Variants in C5AR2 observed in about 807,000 individuals in gnomAD.
The protein encoded by C5AR2 is C5a anaphylatoxin chemotactic receptor 2.
For synonymous variants in C5AR2, 224 were observed against 216.5 expected (o/e 1.03, Z -0.30); for missense variants, 458 against 467.5 (o/e 0.98, Z 0.19).
In C5AR2 at chr19:47,346,852, C is replaced by A. The variant is rs1397395220; in HGVS notation, c.*5039C>A. 6.6e-6 allele frequency: 1 copy of A among 152,220 alleles called. No individual in the cohort carries two copies. The highest frequency in any genetic ancestry group is 1.5e-5 in the Non-Finnish European group (1 of 68,034). The allele number at this position is 152,220 out of a possible 1,614,324, so 9.4% of individuals were successfully genotyped here. A position where few individuals can be genotyped will look rare whatever the true frequency, so the allele number is the denominator to read the frequency against. ...AGAACCCTCGTGGGCTAAAACCCCGCTTTGGGGCTTAAAGTTTGCAAAATC... is the reference window on the plus strand; with the variant it reads ...AGAACCCTCGTGGGCTAAAACCCCGATTTGGGGCTTAAAGTTTGCAAAATC... On this transcript the variant is annotated 3_prime_UTR_variant, in exon 2 of 2. Coordinates refer to ENST00000595464, the MANE Select transcript of C5AR2 (RefSeq NM_001271749.2).
intron 1 of C5AR2, among the ~76,000 whole-genome samples, chr19:47,335,065 TTA>T (rs200401785): frequency 0.06 from 1,027 of 17,094 alleles, 3 homozygotes; most frequent in African/African-American, 0.084. Flanking sequence ...TTTTTTTTTT[TTA>T]AATCTTTAGC....
At chr19:47,338,682 A>ATAATAATAG (rs1434329317) in intron 1 of C5AR2, among the ~76,000 whole-genome samples, 1 of 147,044 alleles carries the variant, frequency 6.8e-6, no homozygotes, top group Non-Finnish European at 1.5e-5. Context: ...AATAATAATA[A>ATAATAATAG]TAATAATTAA....
At position 47,341,938 on chromosome 19, in the gene C5AR2, A is replaced by G; in HGVS notation, c.*125A>G. 1.1e-6 allele frequency: 1 copy of G among 947,474 alleles called. No homozygotes were observed. The highest frequency in any genetic ancestry group is 1.6e-6 in the Non-Finnish European group (1 of 628,378). 58.7% of individuals were successfully genotyped at this position (947,474 alleles called of 1,614,324 possible). ...TCCTTCCTTCATTCAACAGATATCCATCATGCACTTGCTATGTGCAAGGCC... is the reference window on the plus strand; with the variant it reads ...TCCTTCCTTCATTCAACAGATATCCGTCATGCACTTGCTATGTGCAAGGCC... On this transcript the variant is annotated 3_prime_UTR_variant, in exon 2 of 2. Transcript: ENST00000595464. The surrounding 1 kb of genome is among the most constrained non-coding windows in gnomAD (Gnocchi z 4.6).
chr19:47,334,585 G>T (rs1187615429), intron 1 of C5AR2, among the ~76,000 whole-genome samples: 2 of 152,086 alleles, frequency 1.3e-5, no homozygotes, highest in Non-Finnish European at 1.5e-5. Context: ...GTGAGCCGAG[G>T]TTGAACCACT....
Position 47,346,663 on chromosome 19 carries a change from C to CCACTTT in C5AR2, c.*4854_*4855insTTCACT, listed in dbSNP as rs1169376235. 1 of 151,850 alleles carries CCACTTT rather than the reference C, an allele frequency of 6.6e-6. No individual in the cohort carries two copies. Among genetic ancestry groups the CCACTTT allele is most frequent in the Non-Finnish European group, 1.5e-5 (1 of 67,994 alleles). 9.4% of individuals were successfully genotyped at this position (151,850 alleles called of 1,614,324 possible). The stretch of plus-strand genomic sequence containing the variant: ...GAGCTTGCAGTGAGCCGAGATCACA[C>CCACTTT]CACTGCACTCCAGCCTGGGTGACAG... On this transcript the variant is annotated 3_prime_UTR_variant, in exon 2 of 2. Coordinates refer to ENST00000595464, the MANE Select transcript of C5AR2 (RefSeq NM_001271749.2).
At position 47,341,596 on chromosome 19, in the gene C5AR2, T is replaced by C. The variant is rs762917812; in HGVS notation, c.797T>C (p.Leu266Pro). Reference sequence around the variant, plus strand: ...GTGGCGGCCCCGAACTCCGCACTCCTGGCCAGGGCCCTGCGGGCTGAACCC... The same window carrying C: ...GTGGCGGCCCCGAACTCCGCACTCCCGGCCAGGGCCCTGCGGGCTGAACCC... ...LTVAAPNSAL[L>P]ARALRAEPLI... is the part of the protein sequence containing the mutation. Residue 266 changes from leucine (L) to proline (P), a missense_variant, in exon 2 of 2, where the codon CTG (leucine) becomes CCG (proline). By Grantham distance (98) the Leu-to-Pro change is moderately conservative (BLOSUM62 -3). Coordinates refer to ENST00000595464, the MANE Select transcript of C5AR2 (RefSeq NM_001271749.2). The surrounding 1 kb of genome is among the most constrained non-coding windows in gnomAD (Gnocchi z 4.6). The C allele has an allele frequency of 8.1e-6, 13 of 1,613,778 alleles. No homozygotes were observed. In the African/African-American group the frequency reaches 9.3e-5, roughly 12 times the overall value.
chr19:47,337,240 C>G (rs1042058516), intron 1 of C5AR2: 3 of 152,340 alleles, frequency 2.0e-5, no homozygotes, highest in Non-Finnish European at 2.9e-5. Context: ...CTGACACCCA[C>G]AGTCATGGAG....
rs1433383844 is a variant in C5AR2 at position 47,341,353 on chromosome 19, A to C, written c.554A>C (p.Gln185Pro). The C allele has an allele frequency of 6.2e-7, 1 of 1,612,104 alleles. No homozygotes were observed. Among genetic ancestry groups the C allele is most frequent in the South Asian group, 1.1e-5 (1 of 91,062 alleles). Residue 185 changes from glutamine (Q) to proline (P), a missense_variant, in exon 2 of 2, where the codon CAG (glutamine) becomes CCG (proline). Physicochemically the swap from Gln to Pro is moderately conservative, Grantham distance 76. Coordinates refer to ENST00000595464, the MANE Select transcript of C5AR2 (RefSeq NM_001271749.2). This position sits in a 1 kb window ranked among gnomAD's most constrained non-coding sequence, Gnocchi z 4.6. The stretch of plus-strand genomic sequence containing the variant: ...CAGGAGCACTTCCCAGCCCGGCTGC[A>C]GTGTGTGGTGGACTACGGCGGCTCC... ...LHQEHFPARLQCVVDYGGSSS... is the reference protein window; with the variant it reads ...LHQEHFPARLPCVVDYGGSSS...
Position 47,342,461 on chromosome 19 carries a change from C to A in C5AR2, c.*648C>A, listed in dbSNP as rs1969056662. 1 of 150,166 alleles carries A rather than the reference C, an allele frequency of 6.7e-6. No individual in the cohort carries two copies. Among genetic ancestry groups the A allele is most frequent in the African/African-American group, 2.4e-5 (1 of 41,212 alleles). 9.3% of individuals were successfully genotyped at this position (150,166 alleles called of 1,614,324 possible). A position where few individuals can be genotyped will look rare whatever the true frequency, so the allele number is the denominator to read the frequency against. On this transcript the variant is annotated 3_prime_UTR_variant, in exon 2 of 2. Transcript: ENST00000595464. ...GCAGTGGCACAATCTCGGCTCACTG[C>A]AAGCTCCGCCTCCTGAGTTCACGCC...
intron 1 of C5AR2, among the ~76,000 whole-genome samples, chr19:47,333,235 C>T (rs929351939): frequency 3.3e-5 from 5 of 152,078 alleles, no homozygotes; most frequent in Non-Finnish European, 5.9e-5. Flanking sequence ...CAACTTTTGA[C>T]CTCAGGTGAT....
chr19:47,337,125 C>A (rs549846834), intron 1 of C5AR2: 1 of 152,502 alleles, frequency 6.6e-6, no homozygotes, highest in African/African-American at 2.4e-5. Flanking sequence ...CTGTGTGCCA[C>A]GTGCTGGACA....
In C5AR2 at chr19:47,345,351, G is replaced by C. The variant is rs1425836303; in HGVS notation, c.*3538G>C. On this transcript the variant is annotated 3_prime_UTR_variant, in exon 2 of 2. Coordinates refer to ENST00000595464, the MANE Select transcript of C5AR2 (RefSeq NM_001271749.2). Reference sequence around the variant, plus strand: ...GACAGGAGCTCAGTCAGAAAGCACTGGTATCACTTTTTTTTTTTTTTTTTT... The same window carrying C: ...GACAGGAGCTCAGTCAGAAAGCACTCGTATCACTTTTTTTTTTTTTTTTTT... 2.0e-5 allele frequency: 3 copies of C among 152,664 alleles called. No individual in the cohort carries two copies. The highest frequency in any genetic ancestry group is 4.2e-5 in the Non-Finnish European group (3 of 71,032). 9.5% of individuals were successfully genotyped at this position (152,664 alleles called of 1,614,324 possible). A position where few individuals can be genotyped will look rare whatever the true frequency, so the allele number is the denominator to read the frequency against.
chr19:47,337,229 A>G (rs912490005), intron 1 of C5AR2: 1 of 152,252 alleles, frequency 6.6e-6, no homozygotes, highest in Non-Finnish European at 1.5e-5. Context: ...GCCAGCTGCA[A>G]CTGACACCCA....
chr19:47,332,454 T>A (rs1027772217), intron 1 of C5AR2, 105 bp downstream of exon 1: 1 of 152,226 alleles, frequency 6.6e-6, no homozygotes, highest in African/African-American at 2.4e-5. Flanking sequence ...AACTAGAGTT[T>A]GAGAAGTGCA....
At position 47,335,805 on chromosome 19, in the gene C5AR2, A is replaced by AAAAAAAAAC. The variant is rs1568667967; in HGVS notation, c.-16+3457_-16+3458insAAAAAAACA. Among the ~76,000 whole-genome samples the AAAAAAAAAC allele has an allele frequency of 2.3e-5, 3 of 132,222 alleles. 1 individual carries two copies. Among genetic ancestry groups the AAAAAAAAAC allele is most frequent in the Non-Finnish European group, 3.2e-5 (2 of 62,110 alleles). The allele number at this position is 132,222 out of a possible 152,430, so 86.7% of individuals were successfully genotyped here. ...AAAAAAAAAAAAAAAAAAAAAAAGA[A>AAAAAAAAAC]AGTTTTCGTTTTCTGGATTGTAATC... On this transcript the variant is annotated intron_variant, in intron 1 of 1. Coordinates refer to ENST00000595464, the MANE Select transcript of C5AR2 (RefSeq NM_001271749.2).
chr19:47,335,906 C>T (rs1055212698), intron 1 of C5AR2, among the ~76,000 whole-genome samples: 1 of 148,140 alleles, frequency 6.8e-6, no homozygotes, highest in African/African-American at 2.5e-5. Context: ...AGCTAGCCTA[C>T]GTATGACACC....
rs758057320 is a variant in C5AR2 at position 47,341,159 on chromosome 19, C to T, written c.360C>T (p.Ala120=). ...CCATCATCCTGCTGACCATGTATGC[C>T]AGCGTCCTGCTCCTGGCAGCTCTCA... ...LPSIILLTMY[A]SVLLLAALSA... is the part of the protein sequence containing the mutation. Residue 120 remains alanine (A), a synonymous_variant, in exon 2 of 2, where the codon GCC becomes GCT. Transcript: ENST00000595464. This position sits in a 1 kb window ranked among gnomAD's most constrained non-coding sequence, Gnocchi z 4.6. 2.5e-6 allele frequency: 4 copies of T among 1,601,222 alleles called. No individual in the cohort carries two copies. Among genetic ancestry groups the T allele is most frequent in the South Asian group, 1.1e-5 (1 of 91,084 alleles).
intron 1 of C5AR2, 87 bp from the exon 2 acceptor site, chr19:47,340,698 T>C: frequency 8.1e-7 from 1 of 1,233,564 alleles, no homozygotes; most frequent in Non-Finnish European, 1.2e-6. Flanking sequence ...TGCAAGGTGC[T>C]GGTGGGCCGG....
chr19:47,339,408 C>T (rs1394326842), intron 1 of C5AR2, among the ~76,000 whole-genome samples: 2 of 151,646 alleles, frequency 1.3e-5, no homozygotes, highest in Non-Finnish European at 2.9e-5. Flanking sequence ...CCTCCGCCTC[C>T]CTGGTTCAAG....
Sources: allele counts gnomAD v4.1 joint callset (sites outside exome capture counted in the v4.1 genomes callset), GRCh38; gene constraint gnomAD v4.1.1; non-coding constraint Gnocchi (gnomAD v3.1); transcripts MANE v1.5; gene names NCBI Gene and HGNC (gene_info 2026-07-23, HGNC 2026-07-21).